The following KIF25 variants were observed in gnomAD, a reference collection of about 807,000 sequenced individuals.
KIF25 encodes kinesin family member 25.
A neutral mutation model predicts 32.9 loss-of-function variants in KIF25; 19 were observed. The ratio of observed to expected loss-of-function variants is 0.58; its 90% CI spans 0.40 to 0.85. KIF25 has a LOEUF of 0.85. Among genes scored for constraint, KIF25 ranks in the 40% least tolerant of loss-of-function variants. The probability of loss-of-function intolerance (pLI) is 0.00; values close to 1 mark genes in which losing one functional copy is unlikely to be tolerated. For missense variants in KIF25, 485 were observed against 507.0 expected, an observed-to-expected ratio of 0.96 and a Z score of 0.42; for synonymous variants, 225 against 213.7, an observed-to-expected ratio of 1.05 and a Z score of -0.46.
intron 8 of KIF25, among the ~76,000 whole-genome samples, chr6:168,037,221 A>G (rs775889421): frequency 5.9e-5 from 9 of 152,166 alleles, no homozygotes; most frequent in Non-Finnish European, 1.2e-4. Context: ...TTTACCTGAG[A>G]GTTTTACTTA....
chr6:168,002,840 C>A (rs1182879426), intron 3 of KIF25, among the ~76,000 whole-genome samples, 181 bp downstream of exon 3: 4 of 152,202 alleles, frequency 2.6e-5, no homozygotes, highest in Non-Finnish European at 5.9e-5. Flanking sequence ...ACTAGAGGGT[C>A]CTATCTAGCA....
chr6:168,022,164 C>T (rs550725099), intron 5 of KIF25, among the ~76,000 whole-genome samples: 2 of 152,270 alleles, frequency 1.3e-5, no homozygotes, highest in African/African-American at 4.8e-5. Flanking sequence ...CCTTTTCATT[C>T]TACCATCTGT....
At chr6:168,018,915 G>A (rs1269609) in intron 5 of KIF25, among the ~76,000 whole-genome samples, 56,663 of 152,090 alleles carry the variant, frequency 0.37, 10,796 homozygotes, top group South Asian at 0.42. Flanking sequence ...GCACAGGAGC[G>A]GTAAGAAGGA....
chr6:168,044,909 CG>C lies in KIF25; in HGVS notation c.1071del (p.Ile358SerfsTer36). 1 of 1,613,182 alleles carries C rather than the reference CG, an allele frequency of 6.2e-7. No individual in the cohort carries two copies. Among genetic ancestry groups the C allele is most frequent in the African/African-American group, 1.3e-5 (1 of 75,058 alleles). On this transcript the variant is annotated frameshift_variant, in exon 13 of 13. Transcript: ENST00000643607. LOFTEE classifies it low-confidence loss of function (END_TRUNC). ...CACAGACGTTGCAGGGCCTGGGTTT[CG>C]GGATCCGAGCTCGGCAAGTCCAGCG... ...LAQTLQGLGF[G>X]IRARQVQRGP...
At chr6:168,001,357 C>T (rs1385201562) in intron 2 of KIF25, among the ~76,000 whole-genome samples, 1 of 152,228 alleles carries the variant, frequency 6.6e-6, no homozygotes, top group African/African-American at 2.4e-5. Flanking sequence ...GATGCTCAGC[C>T]TGTAGTTAAT....
At chr6:168,015,182 C>CG (rs1421465072) in intron 4 of KIF25, among the ~76,000 whole-genome samples, 2 of 152,136 alleles carry the variant, frequency 1.3e-5, no homozygotes, top group Non-Finnish European at 2.9e-5. Context: ...TTGGCTTGCA[C>CG]GGAGCTTGTA....
At chr6:168,041,947 G>C in intron 10 of KIF25, 22 bp from the exon 11 acceptor site, 1 of 1,549,136 alleles carries the variant, frequency 6.5e-7, no homozygotes, top group Non-Finnish European at 8.7e-7. Flanking sequence ...TTTCCTCCTC[G>C]TCGCTCCTTG....
chr6:168,021,632 A>T (rs1454072556), intron 5 of KIF25, among the ~76,000 whole-genome samples: 2 of 152,240 alleles, frequency 1.3e-5, no homozygotes, highest in African/African-American at 4.8e-5. Flanking sequence ...CCATCTTCAC[A>T]GTGTTTTTTG....
chr6:168,035,441 A>AACGGCGCTGCGGGGGGGCG (rs1562390528), intron 8 of KIF25, among the ~76,000 whole-genome samples: 18 of 12,494 alleles, frequency 1.4e-3, no homozygotes, highest in East Asian at 5.7e-3. Flanking sequence ...GGCGCGGCGG[A>AACGGCGCTGCGGGGGGGCG]GGAGGCGGGA....
At chr6:168,015,384 TA>T (rs1259221253) in intron 4 of KIF25, among the ~76,000 whole-genome samples, 5 of 152,184 alleles carry the variant, frequency 3.3e-5, no homozygotes, top group African/African-American at 7.2e-5. Context: ...CTTTTAAAGT[TA>T]TCCTAGGAAA....
chr6:168,008,262 G>A (rs1176778901), intron 4 of KIF25, among the ~76,000 whole-genome samples: 1 of 152,150 alleles, frequency 6.6e-6, no homozygotes, highest in African/African-American at 2.4e-5. Context: ...AGTGTAAGAG[G>A]TGGGGGTCTA....
chr6:168,021,390 G>C (rs192403726), intron 5 of KIF25, among the ~76,000 whole-genome samples: 2 of 152,210 alleles, frequency 1.3e-5, no homozygotes, highest in Admixed American at 1.3e-4. Flanking sequence ...CAGAGGAGAA[G>C]CTCCCTCGAA....
chr6:168,040,184 C>G lies in KIF25; in HGVS notation c.614C>G (p.Thr205Ser). Residue 205 changes from threonine (T) to serine (S), a missense_variant, in exon 10 of 13, where the codon ACT (threonine) becomes AGT (serine). By Grantham distance (58) the Thr-to-Ser change is moderately conservative. Around this residue, in one of 2 missense-constraint regions of KIF25, gnomAD observed 480 missense variants for 470.3 expected, o/e 1.02. Coordinates refer to ENST00000643607, the MANE Select transcript of KIF25 (RefSeq NM_030615.4). Reference protein sequence around the residue: ...SSRSHLIITVTLTTASCSDST... With the variant: ...SSRSHLIITVSLTTASCSDST... ...AGGTCTCACCTGATAATTACGGTGACTCTAACCACAGCCTCCTGCTCTGAC... is the reference window on the plus strand; with the variant it reads ...AGGTCTCACCTGATAATTACGGTGAGTCTAACCACAGCCTCCTGCTCTGAC... 6.2e-7 allele frequency: 1 copy of G among 1,613,870 alleles called. No individual in the cohort carries two copies. Among genetic ancestry groups the G allele is most frequent in the Non-Finnish European group, 8.5e-7 (1 of 1,179,918 alleles).
intron 5 of KIF25, among the ~76,000 whole-genome samples, chr6:168,027,515 T>G: frequency 6.9e-6 from 1 of 145,632 alleles, no homozygotes; most frequent in African/African-American, 2.5e-5. Flanking sequence ...GATTCCAGGT[T>G]GGGGGGAAAA....
Position 167,998,193 on chromosome 6 carries a change from G to T in KIF25, c.-1276G>T, listed in dbSNP as rs1050465727. On this transcript the variant is annotated 5_prime_UTR_variant, in exon 1 of 13. Coordinates refer to ENST00000643607, the MANE Select transcript of KIF25 (RefSeq NM_030615.4). ...TTTTTTTAATCTGGAGCATGAAAAA[G>T]ATAATATGAACCTTCCTAAGATGGA... 6.6e-6 allele frequency: 1 copy of T among 151,540 alleles called. No homozygotes were observed. Among genetic ancestry groups the T allele is most frequent in the Non-Finnish European group, 1.5e-5 (1 of 67,926 alleles). The allele number at this position is 151,540 out of a possible 1,614,324, so 9.4% of individuals were successfully genotyped here.
chr6:168,006,016 G>A (rs1407520026), intron 4 of KIF25, among the ~76,000 whole-genome samples: 2 of 152,222 alleles, frequency 1.3e-5, no homozygotes, highest in African/African-American at 4.8e-5. Flanking sequence ...GGAGGGTCAG[G>A]TCCTGCCTTC....
intron 4 of KIF25, among the ~76,000 whole-genome samples, chr6:168,013,631 G>A (rs1414751286): frequency 4.6e-5 from 7 of 151,884 alleles, no homozygotes; most frequent in Non-Finnish European, 1.0e-4. Context: ...AATGGCTGAG[G>A]GCCTGTGAGG....
chr6:168,041,716 T>G (rs1426113026), intron 10 of KIF25, among the ~76,000 whole-genome samples: 1 of 152,212 alleles, frequency 6.6e-6, no homozygotes, highest in Non-Finnish European at 1.5e-5. Context: ...CTAAGAAGCA[T>G]TATTTGATTT....
intron 9 of KIF25, 100 bp downstream of exon 9, chr6:168,038,829 C>T: frequency 8.2e-7 from 1 of 1,218,710 alleles, no homozygotes; most frequent in Non-Finnish European, 1.2e-6. Context: ...ACGAGCTCCC[C>T]ACGCCCAAGG....
Sources: gnomAD v4.1 joint callset for allele counts (sites outside exome capture counted in the v4.1 genomes callset) on GRCh38, gnomAD v4.1.1 for gene constraint, gnomAD v4.1.1 regional missense constraint, MANE v1.5 for transcripts, NCBI Gene and HGNC (gene_info 2026-07-23, HGNC 2026-07-21) for gene names.